Variants in FCHSD2 observed in about 807,000 individuals in gnomAD.
The protein encoded by FCHSD2 is FCH and double SH3 domains 2, also known as F-BAR and double SH3 domains protein 2.
In FCHSD2, 38 loss-of-function variants were observed where a neutral mutation model predicts 108.1. That is an observed-to-expected ratio of 0.35 (90% CI 0.27 to 0.46). The LOEUF (loss-of-function observed/expected upper bound fraction) is 0.46, where lower values mean the gene tolerates loss of function less well. FCHSD2 is among the 20% of genes least tolerant of loss of function. The pLI is 1.00. For synonymous variants in FCHSD2, 279 were observed against 314.7 expected (o/e 0.89, Z 1.20); for missense variants, 751 against 897.8 (o/e 0.84, Z 2.09).
At chr11:72,950,968 T>C (rs1856610734) in intron 8 of FCHSD2, among the ~76,000 whole-genome samples, 1 of 152,182 alleles carries the variant, frequency 6.6e-6, no homozygotes, top group African/African-American at 2.4e-5. Flanking sequence ...GACTAGATCT[T>C]AAGAGAATAG....
chr11:73,104,929 A>T (rs149758898), intron 2 of FCHSD2, among the ~76,000 whole-genome samples: 94 of 152,364 alleles, frequency 6.2e-4, no homozygotes, highest in African/African-American at 2.2e-3. Context: ...ATATAGTTTT[A>T]CACGTTTAAA....
intron 2 of FCHSD2, among the ~76,000 whole-genome samples, chr11:73,091,984 G>A (rs1591546620): frequency 6.6e-6 from 1 of 152,016 alleles, no homozygotes; most frequent in South Asian, 2.1e-4. Context: ...GCAGTGAGCT[G>A]AAATTGTGCC....
At chr11:72,882,239 G>C (rs538394421) in intron 12 of FCHSD2, among the ~76,000 whole-genome samples, 3 of 151,842 alleles carry the variant, frequency 2.0e-5, no homozygotes, top group African/African-American at 7.3e-5. Flanking sequence ...TCAGGAGTTC[G>C]AGACCAGCTT....
intron 2 of FCHSD2, among the ~76,000 whole-genome samples, chr11:73,104,507 T>TG (rs1245544034): frequency 1.3e-5 from 2 of 151,998 alleles, no homozygotes; most frequent in Non-Finnish European, 2.9e-5. Context: ...TGACCTCAAG[T>TG]GATCCAGCCT....
At chr11:72,902,207 T>C (rs948044749) in intron 10 of FCHSD2, among the ~76,000 whole-genome samples, 2 of 152,150 alleles carry the variant, frequency 1.3e-5, no homozygotes, top group Non-Finnish European at 2.9e-5. Context: ...CTGATTTCTG[T>C]GGAGGGGTAC....
At chr11:72,842,206 T>C (rs1860977854) in intron 17 of FCHSD2, among the ~76,000 whole-genome samples, 2 of 152,136 alleles carry the variant, frequency 1.3e-5, no homozygotes, top group South Asian at 4.1e-4. Flanking sequence ...TTCTCTGAAA[T>C]AGACTGGCAG....
intron 10 of FCHSD2, among the ~76,000 whole-genome samples, chr11:72,900,605 C>T (rs939390506): frequency 6.6e-6 from 1 of 151,942 alleles, no homozygotes. Flanking sequence ...TCTGCTTCAT[C>T]CCTCCCAGGC....
chr11:73,131,531 A>T (rs1861002121), intron 2 of FCHSD2, among the ~76,000 whole-genome samples: 1 of 151,738 alleles, frequency 6.6e-6, no homozygotes, highest in Non-Finnish European at 1.5e-5. Flanking sequence ...TTCGTCTCAA[A>T]AAAAATAAAA....
intron 2 of FCHSD2, among the ~76,000 whole-genome samples, chr11:73,118,036 G>T (rs1860644045): frequency 6.6e-6 from 1 of 152,108 alleles, no homozygotes; most frequent in African/African-American, 2.4e-5. Flanking sequence ...ATAGAATGGG[G>T]CCAGGCCCAG....
chr11:72,972,894 G>T (rs1857033521), intron 8 of FCHSD2, among the ~76,000 whole-genome samples: 1 of 152,130 alleles, frequency 6.6e-6, no homozygotes. Context: ...AATGCTGAAA[G>T]GTACAATAAA....
intron 8 of FCHSD2, among the ~76,000 whole-genome samples, chr11:72,972,032 A>G (rs1857016104): frequency 6.6e-6 from 1 of 152,194 alleles, no homozygotes; most frequent in South Asian, 2.1e-4. Flanking sequence ...ATCTTATTGT[A>G]TATTAATTGT....
intron 3 of FCHSD2, among the ~76,000 whole-genome samples, chr11:73,061,712 G>A (rs556355312): frequency 3.3e-5 from 5 of 152,302 alleles, no homozygotes; most frequent in African/African-American, 1.2e-4. Flanking sequence ...TTCGAACTGG[G>A]TGGAGCCCAC....
At chr11:73,036,555 G>C (rs897245275) in intron 3 of FCHSD2, among the ~76,000 whole-genome samples, 1 of 152,092 alleles carries the variant, frequency 6.6e-6, no homozygotes, top group Non-Finnish European at 1.5e-5. Flanking sequence ...CTAGCATACT[G>C]CAAGTCCCTG....
rs371758125 is a variant in FCHSD2 at position 73,000,980 on chromosome 11, A to T, written c.387+10T>A. ...TAAAATGCATATAAGAACAGAAATA[A>T]AAACAATACCCTTTTTAGTTGCTGT... On this transcript the variant is annotated intron_variant, in intron 5 of 19. Coordinates refer to ENST00000409418, the MANE Select transcript of FCHSD2 (RefSeq NM_014824.3). 2 of 1,596,204 alleles carry T rather than the reference A, an allele frequency of 1.3e-6. No individual in the cohort carries two copies. The highest frequency in any genetic ancestry group is 2.7e-5 in the African/African-American group (2 of 74,558).
chr11:72,904,969 T>C (rs953877419), intron 9 of FCHSD2, among the ~76,000 whole-genome samples: 7 of 152,200 alleles, frequency 4.6e-5, no homozygotes, highest in African/African-American at 1.7e-4. Context: ...TTGTCTTGTT[T>C]ATTTATTTAT....
intron 3 of FCHSD2, among the ~76,000 whole-genome samples, chr11:73,039,873 T>C (rs1435444442): frequency 6.6e-6 from 1 of 152,104 alleles, no homozygotes; most frequent in Non-Finnish European, 1.5e-5. Context: ...CGAATGCAAA[T>C]CATTTTGAAG....
At chr11:72,938,820 C>A (rs1300076383) in intron 8 of FCHSD2, among the ~76,000 whole-genome samples, 1 of 152,126 alleles carries the variant, frequency 6.6e-6, no homozygotes, top group East Asian at 1.9e-4. Flanking sequence ...TAACCCAAGA[C>A]TAATTTATCA....
At chr11:73,082,335 CAAAAAAA>C (rs750423401) in intron 3 of FCHSD2, among the ~76,000 whole-genome samples, 36 of 34,460 alleles carry the variant, frequency 1.0e-3, no homozygotes, top group Admixed American at 2.3e-3. Context: ...AGACTTGTCC[CAAAAAAA>C]AAAAAAAAAA....
chr11:72,926,693 C>G (rs930044823), intron 8 of FCHSD2, among the ~76,000 whole-genome samples: 1 of 152,112 alleles, frequency 6.6e-6, no homozygotes, highest in African/African-American at 2.4e-5. Context: ...GTCTGCCTAC[C>G]GCATACTTCC....
Sources: gnomAD v4.1 joint callset for allele counts (sites outside exome capture counted in the v4.1 genomes callset) on GRCh38, gnomAD v4.1.1 for gene constraint, MANE v1.5 for transcripts, NCBI Gene and HGNC (gene_info 2026-07-23, HGNC 2026-07-21) for gene names.